Variants in CRIPT observed in about 807,000 individuals in gnomAD.
CRIPT encodes the protein cysteine-rich PDZ-binding protein.
CRIPT carries 20 observed loss-of-function variants against 16.6 expected under a neutral mutation model. The observed-to-expected ratio is 1.20, with a 90% CI of 0.85 to 1.75. The LOEUF is 1.75. Ranked by LOEUF, CRIPT falls within the 40% of genes most tolerant of loss-of-function variation. The pLI is 0.00. For missense variants in CRIPT, 133 were observed against 115.3 expected (o/e 1.15, Z -0.70); for synonymous variants, 42 against 37.0 (o/e 1.14, Z -0.49).
At chr2:46,623,636 C>A in intron 3 of CRIPT, 128 bp from the exon 4 acceptor site, 1 of 574,568 alleles carries the variant, frequency 1.7e-6, no homozygotes, top group Non-Finnish European at 3.1e-6. Context: ...ATAGGCTAAA[C>A]CCATCAATTG....
At chr2:46,619,902 C>T (rs1024644896) in intron 3 of CRIPT, among the ~76,000 whole-genome samples, 1 of 152,140 alleles carries the variant, frequency 6.6e-6, no homozygotes, top group Non-Finnish European at 1.5e-5. Flanking sequence ...CTTACAGTTT[C>T]ACCAGAAAAC....
chr2:46,623,897 C>A, intron 4 of CRIPT, 30 bp downstream of exon 4: 1 of 1,450,412 alleles, frequency 6.9e-7, no homozygotes, highest in Non-Finnish European at 9.5e-7. Context: ...GTTTTCTATT[C>A]ATAAAACCGA....
At chr2:46,623,690 G>T in intron 3 of CRIPT, 74 bp from the exon 4 acceptor site, 1 of 768,388 alleles carries the variant, frequency 1.3e-6, no homozygotes, top group Non-Finnish European at 2.2e-6. Context: ...AATCCTGTGT[G>T]TTGCGTAAGT....
chr2:46,623,409 A>G lies in CRIPT; in HGVS notation c.138-355A>G, dbSNP rs60088761. Among the ~76,000 whole-genome samples, 603 of 152,330 alleles carry G rather than the reference A, an allele frequency of 4.0e-3. 4 individuals carry two copies. The highest frequency in any genetic ancestry group is 0.014 in the African/African-American group (571 of 41,576). On this transcript the variant is annotated intron_variant, in intron 3 of 4. Transcript: ENST00000238892. ...AATTCATATGATTCCTAGTCATCCT[A>G]AAATAGTCACTTAGGTTATATGGAA...
rs555178535 is a variant in CRIPT at position 46,626,201 on chromosome 2, T to C, written c.*1974T>C. On this transcript the variant is annotated 3_prime_UTR_variant, in exon 5 of 5. Transcript: ENST00000238892. ...TGAGAACATGCGGTCTTTGGTTTTC[T>C]GTTCCTGTGTATATTCACTATAATG... Among the ~76,000 whole-genome samples the C allele has an allele frequency of 3.9e-5, 6 of 152,232 alleles. No individual in the cohort carries two copies.
At position 46,626,488 on chromosome 2, in the gene CRIPT, T is replaced by G. The variant is rs749451973; in HGVS notation, c.*2261T>G. ...TGCTGGTTCAAATGGTAGTTCTGTT[T>G]TAACTTCTTTGAGAAATCTCCAAAC... On this transcript the variant is annotated 3_prime_UTR_variant, in exon 5 of 5. Transcript: ENST00000238892. 1.2e-4 allele frequency among the ~76,000 whole-genome samples: 18 copies of G among 152,200 alleles called. No individual in the cohort carries two copies. The highest frequency in any genetic ancestry group is 2.5e-4 in the Non-Finnish European group (17 of 68,020).
rs1212278028 is a variant in CRIPT at position 46,628,644 on chromosome 2, A to C, written c.*4417A>C. On this transcript the variant is annotated 3_prime_UTR_variant, in exon 5 of 5. Transcript: ENST00000238892. ...TTGAGTAGCCTCCTTCCATGAATGG[A>C]TCATCCAGTGGCCGCACTTAGGTTC... 6.6e-6 allele frequency among the ~76,000 whole-genome samples: 1 copy of C among 152,172 alleles called. No homozygotes were observed. The highest frequency in any genetic ancestry group is 1.5e-5 in the Non-Finnish European group (1 of 68,032).
chr2:46,624,245 C>T lies in CRIPT; in HGVS notation c.*18C>T, dbSNP rs537906679. On this transcript the variant is annotated 3_prime_UTR_variant, in exon 5 of 5. Coordinates refer to ENST00000238892, the MANE Select transcript of CRIPT (RefSeq NM_014171.6). ...CTGTCTAGATGTATTGATGGAATTTCTGGCTTTCTAAATGATTTTACTTTC... is the reference window on the plus strand; with the variant it reads ...CTGTCTAGATGTATTGATGGAATTTTTGGCTTTCTAAATGATTTTACTTTC... The T allele has an allele frequency of 5.3e-5, 80 of 1,518,580 alleles. No individual in the cohort carries two copies. Among genetic ancestry groups the T allele is most frequent in the Admixed American group, 1.9e-4 (10 of 52,826 alleles). The allele number at this position is 1,518,580 out of a possible 1,614,324, so 94.1% of individuals were successfully genotyped here.
At position 46,624,651 on chromosome 2, in the gene CRIPT, C is replaced by A. The variant is rs543462673; in HGVS notation, c.*424C>A. 6.5e-6 allele frequency: 1 copy of A among 152,802 alleles called. No individual in the cohort carries two copies. Among genetic ancestry groups the A allele is most frequent in the African/African-American group, 2.4e-5 (1 of 41,590 alleles). The allele number at this position is 152,802 out of a possible 1,614,324, so 9.5% of individuals were successfully genotyped here. On this transcript the variant is annotated 3_prime_UTR_variant, in exon 5 of 5. Transcript: ENST00000238892. ...GTGTCATAGTTATTAGAATCAGCAG[C>A]CTCTTAACTAATTGCGGTTTCATAG...
intron 4 of CRIPT, 120 bp from the exon 5 acceptor site, chr2:46,624,043 T>TATA (rs1558719290): frequency 1.2e-5 from 4 of 329,930 alleles, no homozygotes; most frequent in African/African-American, 7.7e-5. Flanking sequence ...ATATATATAT[T>TATA]TTTTTTTTCT....
intron 3 of CRIPT, among the ~76,000 whole-genome samples, chr2:46,622,140 C>T (rs1350900121): frequency 6.6e-6 from 1 of 152,112 alleles, no homozygotes; most frequent in Non-Finnish European, 1.5e-5. Flanking sequence ...GAGGCCGAGG[C>T]AGGCGGATCA....
rs146960556 is a variant in CRIPT, at chr2:46,622,108, G to A, written c.138-1656G>A. Among the ~76,000 whole-genome samples the A allele has an allele frequency of 9.4e-3, 1,435 of 152,268 alleles. 20 individuals carry two copies. Among genetic ancestry groups the A allele is most frequent in the African/African-American group, 0.031 (1,304 of 41,536 alleles). ...GGTTAGGCCGGGTGCGGTGGCTCACGCCTGTAATCCCAGCACTTTGGGAGG... is the reference window on the plus strand; with the variant it reads ...GGTTAGGCCGGGTGCGGTGGCTCACACCTGTAATCCCAGCACTTTGGGAGG... On this transcript the variant is annotated intron_variant, in intron 3 of 4. Coordinates refer to ENST00000238892, the MANE Select transcript of CRIPT (RefSeq NM_014171.6).
chr2:46,623,165 A>C (rs1050205032), intron 3 of CRIPT, among the ~76,000 whole-genome samples: 1 of 152,184 alleles, frequency 6.6e-6, no homozygotes, highest in African/African-American at 2.4e-5. Context: ...TAAAGCGCAT[A>C]ACTGTAGATG....
intron 3 of CRIPT, among the ~76,000 whole-genome samples, chr2:46,623,458 A>G (rs1670858730): frequency 6.6e-6 from 1 of 152,218 alleles, no homozygotes; most frequent in South Asian, 2.1e-4. Context: ...TTGCACCCAC[A>G]TTTCATCAGT....
Position 46,624,623 on chromosome 2 carries a change from C to G in CRIPT, c.*396C>G, listed in dbSNP as rs1220494506. On this transcript the variant is annotated 3_prime_UTR_variant, in exon 5 of 5. Coordinates refer to ENST00000238892, the MANE Select transcript of CRIPT (RefSeq NM_014171.6). ...TAACATTTCTCCCCTCACTCCCTTG[C>G]TGGTGTCATAGTTATTAGAATCAGC... 1 of 153,646 alleles carries G rather than the reference C, an allele frequency of 6.5e-6. No individual in the cohort carries two copies. Among genetic ancestry groups the G allele is most frequent in the Non-Finnish European group, 1.4e-5 (1 of 69,028 alleles). The allele number at this position is 153,646 out of a possible 1,614,324, so 9.5% of individuals were successfully genotyped here. A position where few individuals can be genotyped will look rare whatever the true frequency, so the allele number is the denominator to read the frequency against.
At chr2:46,623,904 C>T in intron 4 of CRIPT, 37 bp downstream of exon 4, 1 of 1,410,748 alleles carries the variant, frequency 7.1e-7, no homozygotes, top group Non-Finnish European at 9.9e-7. Flanking sequence ...ATTCATAAAA[C>T]CGACTTCATT....
intron 3 of CRIPT, among the ~76,000 whole-genome samples, chr2:46,620,023 T>C (rs977870314): frequency 1.3e-5 from 2 of 152,242 alleles, no homozygotes; most frequent in Non-Finnish European, 2.9e-5. Context: ...CTAGACTCAC[T>C]GTCTAGCCTT....
At position 46,628,899 on chromosome 2, in the gene CRIPT, G is replaced by GA. The variant is rs1671008093; in HGVS notation, c.*4679dup. On this transcript the variant is annotated 3_prime_UTR_variant, in exon 5 of 5. Coordinates refer to ENST00000238892, the MANE Select transcript of CRIPT (RefSeq NM_014171.6). The stretch of plus-strand genomic sequence containing the variant: ...GCCACAGCCAGAGTTGAAAAATGCA[G>GA]AAAAAAAGTTTAAAAACAAGGAATT... Among the ~76,000 whole-genome samples, 2 of 151,872 alleles carry GA rather than the reference G, an allele frequency of 1.3e-5. No individual in the cohort carries two copies. Among genetic ancestry groups the GA allele is most frequent in the African/African-American group, 4.8e-5 (2 of 41,370 alleles).
Position 46,628,934 on chromosome 2 carries a change from C to T in CRIPT, c.*4707C>T, listed in dbSNP as rs1288121122. Among the ~76,000 whole-genome samples, 1 of 152,078 alleles carries T rather than the reference C, an allele frequency of 6.6e-6. No individual in the cohort carries two copies. The highest frequency in any genetic ancestry group is 6.5e-5 in the Admixed American group (1 of 15,270). Reference sequence around the variant, plus strand: ...TTAAAAACAAGGAATTAAAGCCAAACCTAACTTTTATCAAAATAAATGTAA... The same window carrying T: ...TTAAAAACAAGGAATTAAAGCCAAATCTAACTTTTATCAAAATAAATGTAA... On this transcript the variant is annotated 3_prime_UTR_variant, in exon 5 of 5. Transcript: ENST00000238892.
Sources: allele counts gnomAD v4.1 joint callset (sites outside exome capture counted in the v4.1 genomes callset), GRCh38; gene constraint gnomAD v4.1.1; transcripts MANE v1.5; gene names NCBI Gene and HGNC (gene_info 2026-07-23, HGNC 2026-07-21).